Variants in SMARCA1 observed in about 807,000 individuals in gnomAD.
SMARCA1 encodes SWI/SNF-related matrix-associated actin-dependent regulator of chromatin subfamily A member 1.
SMARCA1 carries 17 observed loss-of-function variants against 93.6 expected under a neutral mutation model. That is an observed-to-expected ratio of 0.18 (90% confidence interval 0.12 to 0.27). The LOEUF (loss-of-function observed/expected upper bound fraction) is 0.27, where lower values mean the gene tolerates loss of function less well. Ranked by LOEUF, SMARCA1 falls within the 10% of genes least tolerant of loss-of-function variation. The pLI, the probability that SMARCA1 is intolerant of heterozygous loss-of-function variation, is 1.00. For synonymous variants in SMARCA1, 271 were observed against 271.4 expected (o/e 1.00, Z 0.01); for missense variants, 630 against 819.0 (o/e 0.77, Z 2.82).
At chrX:129,450,789 C>A (rs1483073154) in intron 23 of SMARCA1, among the ~76,000 whole-genome samples, 1 of 111,314 alleles carries the variant, frequency 9.0e-6, no homozygotes, top group Non-Finnish European at 1.9e-5. Context: ...TCTCTTGATA[C>A]TAGCCTGAAT....
chrX:129,486,899 C>A, intron 17 of SMARCA1, 119 bp downstream of exon 17: 1 of 559,171 alleles, frequency 1.8e-6, no homozygotes. Context: ...ATATTTAGAC[C>A]TATATCAAAT....
Position 129,465,908 on chromosome X carries a change from T to A in SMARCA1, c.2753A>T (p.Gln918Leu). ...ELQDIEKIMA[Q>L]IERGEARIQR... ...AATTCTTGCTTCTCCACGTTCAATT[T>A]GAGCCATAATTTTCTCAATGTCCTG... Residue 918 changes from glutamine (Q) to leucine (L), a missense_variant, in exon 22 of 25, where the codon CAA (glutamine) becomes CTA (leucine). By Grantham distance (113) the Gln-to-Leu change is moderately radical. Around this residue, in one of 4 missense-constraint regions of SMARCA1, gnomAD observed 93 missense variants for 160.8 expected, o/e 0.58. Transcript: ENST00000371121. 1 of 1,188,028 alleles carries A rather than the reference T, an allele frequency of 8.4e-7. No homozygotes were observed. Among genetic ancestry groups the A allele is most frequent in the Non-Finnish European group, 1.1e-6 (1 of 883,247 alleles).
In SMARCA1 at chrX:129,506,313, A is replaced by G; in HGVS notation, c.967-102T>C. 6 of 629,165 alleles carry G rather than the reference A, an allele frequency of 9.5e-6. No homozygotes were observed. In the South Asian group the frequency reaches 2.1e-4, roughly 22 times the overall value. 51.9% of individuals were successfully genotyped at this position (629,165 alleles called of 1,213,427 possible). A position where few individuals can be genotyped will look rare whatever the true frequency, so the allele number is the denominator to read the frequency against. On this transcript the variant is annotated intron_variant, in intron 7 of 24. Coordinates refer to ENST00000371121, the MANE Select transcript of SMARCA1 (RefSeq NM_001282874.2). ...ACCAATATATTTTTGACTACAATAT[A>G]ACTTGAAAATTTTCTATGGAAAAAT...
intron 17 of SMARCA1, among the ~76,000 whole-genome samples, chrX:129,486,605 A>G (rs1288084362): frequency 1.8e-5 from 2 of 111,182 alleles, no homozygotes; most frequent in Non-Finnish European, 3.8e-5. Context: ...TCATCATCAG[A>G]ATCCCTCTAT....
In SMARCA1 at chrX:129,508,069, G is replaced by C; in HGVS notation, c.838C>G (p.Pro280Ala). ...GTAACGCAAACATCCCACTCTCCTG[G>C]CATCATTTCATCACGAATAAAAGCA... ...RAAFIRDEMMPGEWDVCVTSY... is the reference protein window; with the variant it reads ...RAAFIRDEMMAGEWDVCVTSY... The change falls in exon 7 of 25, where the codon CCA becomes GCA. Residue 280 changes from proline to alanine, a missense_variant. Coordinates refer to ENST00000371121, the MANE Select transcript of SMARCA1 (RefSeq NM_001282874.2). 1 of 1,172,130 alleles carries C rather than the reference G, an allele frequency of 8.5e-7. No homozygotes were observed. Among genetic ancestry groups the C allele is most frequent in the Non-Finnish European group, 1.1e-6 (1 of 873,019 alleles).
chrX:129,489,073 T>C lies in SMARCA1; in HGVS notation c.1961A>G (p.Asp654Gly), dbSNP rs1030118590. The C allele has an allele frequency of 2.1e-5, 25 of 1,173,874 alleles. No homozygotes were observed. The highest frequency in any genetic ancestry group is 2.9e-5 in the Non-Finnish European group (25 of 864,720). ...TTTTGCCAGCTTGTTAGACTGTTGG[T>C]CAATGAGTCTTCCTAATGATAAAAA... is the stretch of plus-strand genomic sequence containing the variant. ...SIVIQQGRLIDQQSNKLAKEE... is the reference protein window; with the variant it reads ...SIVIQQGRLIGQQSNKLAKEE... Residue 654 changes from aspartate to glycine, a missense_variant, in exon 16 of 25, where the codon GAC becomes GGC. Coordinates refer to ENST00000371121, the MANE Select transcript of SMARCA1 (RefSeq NM_001282874.2).
At chrX:129,464,727 T>C (rs1003950032) in intron 23 of SMARCA1, among the ~76,000 whole-genome samples, 24 of 112,370 alleles carry the variant, frequency 2.1e-4, no homozygotes, top group African/African-American at 7.4e-4. Context: ...AACATAACTC[T>C]AAAGCGGAGA....
At chrX:129,523,015 C>A (rs1935464907) in intron 1 of SMARCA1, among the ~76,000 whole-genome samples, 182 bp downstream of exon 1, 1 of 110,764 alleles carries the variant, frequency 9.0e-6, no homozygotes, top group Non-Finnish European at 1.9e-5. Context: ...CTCCAGGCGG[C>A]GAGAAGGAAA....
chrX:129,482,347 AAAG>A (rs1933718766), intron 17 of SMARCA1, among the ~76,000 whole-genome samples: 1 of 111,592 alleles, frequency 9.0e-6, no homozygotes, highest in African/African-American at 3.3e-5. Context: ...AAAATTTAAA[AAAG>A]AAGAAAAAAA....
intron 23 of SMARCA1, among the ~76,000 whole-genome samples, chrX:129,455,946 T>C (rs1025666015): frequency 4.5e-5 from 5 of 112,027 alleles, no homozygotes; most frequent in African/African-American, 1.6e-4. Flanking sequence ...CTAAGATAAT[T>C]GATGAGGGTG....
Position 129,468,828 on chromosome X carries a change from A to G in SMARCA1, c.2643T>C (p.Asp881=). ...ANEKYGRDDI[D]NIAREVEGKS... is the part of the protein sequence containing the mutation. ...TGCCCTCTACCTCTCGAGCTATGTT[A>G]TCAATGTCATCTCTTCCATATTTCT... The change falls in exon 21 of 25, where the codon GAT becomes GAC. Residue 881 remains aspartate, a synonymous_variant. Transcript: ENST00000371121. 8.5e-7 allele frequency: 1 copy of G among 1,177,352 alleles called. No individual in the cohort carries two copies. Among genetic ancestry groups the G allele is most frequent in the Non-Finnish European group, 1.2e-6 (1 of 865,300 alleles).
At chrX:129,482,747 C>A (rs961015755) in intron 17 of SMARCA1, among the ~76,000 whole-genome samples, 1 of 111,923 alleles carries the variant, frequency 8.9e-6, no homozygotes, top group Non-Finnish European at 1.9e-5. Context: ...AGTCAACAGA[C>A]AAAACTGACA....
chrX:129,483,992 C>T (rs1000979786), intron 17 of SMARCA1, among the ~76,000 whole-genome samples: 13 of 111,965 alleles, frequency 1.2e-4, no homozygotes, highest in African/African-American at 4.2e-4. Flanking sequence ...ATAATCTCAG[C>T]TCAGAATATT....
At chrX:129,509,748 G>A (rs1244660121) in intron 6 of SMARCA1, among the ~76,000 whole-genome samples, 1 of 111,499 alleles carries the variant, frequency 9.0e-6, no homozygotes, top group African/African-American at 3.3e-5. Flanking sequence ...TACACAATCA[G>A]TAGCAAAGCC....
intron 1 of SMARCA1, among the ~76,000 whole-genome samples, chrX:129,520,980 C>T (rs1189541449): frequency 3.6e-5 from 4 of 110,821 alleles, no homozygotes; most frequent in African/African-American, 1.3e-4. Context: ...CGGGTTCAAG[C>T]GATTCTCCTG....
chrX:129,517,261 T>C (rs1477181497), intron 2 of SMARCA1, among the ~76,000 whole-genome samples: 1 of 111,424 alleles, frequency 9.0e-6, no homozygotes, highest in Non-Finnish European at 1.9e-5. Context: ...ACGTGTACCA[T>C]ATACAGGCAA....
chrX:129,487,777 C>T (rs773548712), intron 16 of SMARCA1, among the ~76,000 whole-genome samples: 1 of 112,100 alleles, frequency 8.9e-6, no homozygotes, highest in Non-Finnish European at 1.9e-5. Context: ...TTTTGATTTG[C>T]ATTCTGATTT....
intron 5 of SMARCA1, 99 bp from the exon 6 acceptor site, chrX:129,512,082 C>T (rs190245853): frequency 9.8e-6 from 6 of 614,123 alleles, no homozygotes; most frequent in Admixed American, 3.3e-5. Flanking sequence ...TCCACTATCT[C>T]GCAAAGGCAA....
At chrX:129,520,590 A>G (rs992811280) in intron 1 of SMARCA1, among the ~76,000 whole-genome samples, 2 of 110,056 alleles carry the variant, frequency 1.8e-5, no homozygotes, top group African/African-American at 6.6e-5. Context: ...TGACATGGAA[A>G]GATCACTAGA....
Sources: allele counts gnomAD v4.1 joint callset (sites outside exome capture counted in the v4.1 genomes callset), GRCh38; gene constraint gnomAD v4.1.1; regional missense constraint gnomAD v4.1.1; transcripts MANE v1.5; gene names NCBI Gene and HGNC (gene_info 2026-07-23, HGNC 2026-07-21).